RRBP1: variants seen among roughly 807,000 people sequenced by gnomAD.
RRBP1 encodes the protein ribosome-binding protein 1.
A neutral mutation model predicts 165.2 loss-of-function variants in RRBP1; 94 were observed. The ratio of observed to expected loss-of-function variants is 0.57; its 90% CI spans 0.48 to 0.68. The LOEUF is 0.68. Among genes scored for constraint, RRBP1 ranks in the 30% least tolerant of loss-of-function variants. The probability of loss-of-function intolerance (pLI) is 0.00; values close to 1 mark genes in which losing one functional copy is unlikely to be tolerated. For missense variants in RRBP1, 1,676 were observed against 1,763.0 expected (o/e 0.95, Z 0.88); for synonymous variants, 680 against 714.5 (o/e 0.95, Z 0.77).
Position 17,625,605 on chromosome 20 carries a change from G to A in RRBP1, c.2964-3C>T. 1 of 1,613,464 alleles carries A rather than the reference G, an allele frequency of 6.2e-7. No homozygotes were observed. The highest frequency in any genetic ancestry group is 8.5e-7 in the Non-Finnish European group (1 of 1,179,542). On this transcript the variant is annotated splice_polypyrimidine_tract_variant and splice_region_variant and intron_variant, in intron 11 of 24. Transcript: ENST00000377813. ...CCTGGGACTCCAGCTCCTTGAGGCT[G>A]AAGGGACACAACGAGGTCACCGCCT...
chr20:17,617,712 G>A (rs572246613), intron 20 of RRBP1, among the ~76,000 whole-genome samples: 18 of 152,352 alleles, frequency 1.2e-4, no homozygotes, highest in African/African-American at 4.3e-4. Context: ...GTTCTGGTCC[G>A]GGTAAGACCT....
At chr20:17,676,198 G>A (rs1010005504) in intron 2 of RRBP1, among the ~76,000 whole-genome samples, 11 of 152,164 alleles carry the variant, frequency 7.2e-5, no homozygotes, top group African/African-American at 2.7e-4. Flanking sequence ...GATAGAACAA[G>A]ACCCTCTCAG....
At position 17,618,662 on chromosome 20, in the gene RRBP1, TAGG is replaced by T. The variant is rs747816174; in HGVS notation, c.3690_3692del (p.Leu1231del). 2.5e-6 allele frequency: 4 copies of T among 1,613,888 alleles called. No homozygotes were observed. The highest frequency in any genetic ancestry group is 1.3e-5 in the African/African-American group (1 of 75,032). On this transcript the variant is annotated inframe_deletion, in exon 20 of 25. Coordinates refer to ENST00000377813, the MANE Select transcript of RRBP1 (RefSeq NM_001365613.2). ...CGGCATCGAGCTGAGATTGAGATTC[TAGG>T]AGAAGTTGCCTCAGCTTGGGGAGAA...
chr20:17,674,429 T>G (rs952876201), intron 2 of RRBP1, among the ~76,000 whole-genome samples: 3 of 151,910 alleles, frequency 2.0e-5, no homozygotes, highest in Non-Finnish European at 4.4e-5. Flanking sequence ...CCTAGCACGA[T>G]GAGGACTGAC....
rs1415960205 is a variant in RRBP1, at chr20:17,620,815, G to A, written c.3415-8C>T. 2.3e-5 allele frequency: 37 copies of A among 1,596,822 alleles called. No individual in the cohort carries two copies. The highest frequency in any genetic ancestry group is 3.2e-5 in the Non-Finnish European group (37 of 1,172,354). ...GTCTCTGAGCATGCCCTCCTGGGGG[G>A]AAACCGAGGTGAGGCAGGGCCCTCT... is the stretch of plus-strand genomic sequence containing the variant. On this transcript the variant is annotated splice_region_variant and splice_polypyrimidine_tract_variant and intron_variant, in intron 16 of 24. Coordinates refer to ENST00000377813, the MANE Select transcript of RRBP1 (RefSeq NM_001365613.2).
In RRBP1 at chr20:17,619,805, T is replaced by A. The variant is rs2035873066; in HGVS notation, c.3580-77A>T. ...AGGGCACTCACCTCAGGGAGCAGGC[T>A]GGCCCTGGGATAGGTGAGGCCTCTC... On this transcript the variant is annotated intron_variant, in intron 18 of 24. Coordinates refer to ENST00000377813, the MANE Select transcript of RRBP1 (RefSeq NM_001365613.2). 4 of 1,116,830 alleles carry A rather than the reference T, an allele frequency of 3.6e-6. No individual in the cohort carries two copies. The South Asian group carries it at 4.6e-5, about 13-fold the overall frequency. 69.2% of individuals were successfully genotyped at this position (1,116,830 alleles called of 1,614,324 possible).
intron 17 of RRBP1, 43 bp from the exon 18 acceptor site, chr20:17,620,413 G>A: frequency 6.5e-7 from 1 of 1,534,954 alleles, no homozygotes; most frequent in Non-Finnish European, 9.0e-7. Context: ...GAGCACCTGG[G>A]GGTGTCTCCT....
In RRBP1 at chr20:17,615,913, G is replaced by C; in HGVS notation, c.3951+13C>G. 1 of 1,607,368 alleles carries C rather than the reference G, an allele frequency of 6.2e-7. No individual in the cohort carries two copies. The highest frequency in any genetic ancestry group is 1.1e-5 in the South Asian group (1 of 90,972). ...GGCTGATGGGGGCTGAGAGCCACCAGGCAGGGCCTGACCTCCTCAAACTCG... is the reference window on the plus strand; with the variant it reads ...GGCTGATGGGGGCTGAGAGCCACCACGCAGGGCCTGACCTCCTCAAACTCG... On this transcript the variant is annotated intron_variant, in intron 22 of 24. Transcript: ENST00000377813.
intron 2 of RRBP1, among the ~76,000 whole-genome samples, chr20:17,677,363 G>A (rs1421758118): frequency 6.6e-6 from 1 of 152,212 alleles, no homozygotes; most frequent in Admixed American, 6.5e-5. Context: ...ACTTCCAGTA[G>A]TCTTAGTGGG....
Position 17,629,190 on chromosome 20 carries a change from C to T in RRBP1, c.2749+633G>A, listed in dbSNP as rs530153505. Among the ~76,000 whole-genome samples the T allele has an allele frequency of 2.5e-3, 382 of 152,374 alleles. 1 individual carries two copies. Among genetic ancestry groups the T allele is most frequent in the Non-Finnish European group, 4.7e-3 (319 of 68,044 alleles). ...CTCTGTCGTGTAACCCCCAGTCCAG[C>T]CCAGCCCGGCACCCACGGCAGTGCT... On this transcript the variant is annotated intron_variant, in intron 9 of 24. Coordinates refer to ENST00000377813, the MANE Select transcript of RRBP1 (RefSeq NM_001365613.2).
At chr20:17,655,083 G>T (rs1219185741) in intron 3 of RRBP1, among the ~76,000 whole-genome samples, 2 of 152,222 alleles carry the variant, frequency 1.3e-5, no homozygotes, top group Non-Finnish European at 2.9e-5. Flanking sequence ...TGGAATTCCT[G>T]TCCCAGTAGC....
intron 13 of RRBP1, chr20:17,623,083 A>G (rs6034866): frequency 0.72 from 109,360 of 152,238 alleles, 46,721 homozygotes; most frequent in South Asian, 0.94. Flanking sequence ...GGCAAGCTGG[A>G]GACCCAGAGG....
At chr20:17,614,242 G>C (rs770055260) in intron 24 of RRBP1, 22 bp from the exon 25 acceptor site, 12 of 1,611,604 alleles carry the variant, frequency 7.4e-6, no homozygotes, top group Non-Finnish European at 4.2e-6. Context: ...GGCAGGTGGC[G>C]TGAGGGGGGC....
At chr20:17,628,833 C>T (rs2036087243) in intron 9 of RRBP1, among the ~76,000 whole-genome samples, 1 of 152,268 alleles carries the variant, frequency 6.6e-6, no homozygotes, top group Admixed American at 6.5e-5. Flanking sequence ...GCCTCCCAAC[C>T]TCCATTTTTC....
chr20:17,614,624 C>T (rs2035756206), intron 24 of RRBP1, 113 bp downstream of exon 24: 3 of 1,371,202 alleles, frequency 2.2e-6, no homozygotes. Context: ...GCTCCCAGCC[C>T]AGCGCTCCCA....
chr20:17,651,464 C>T (rs2036556212), intron 3 of RRBP1, among the ~76,000 whole-genome samples: 1 of 152,236 alleles, frequency 6.6e-6, no homozygotes, highest in Admixed American at 6.5e-5. Flanking sequence ...TAGCTGCACA[C>T]TACTTAAATG....
chr20:17,656,239 C>T (rs1487321695), intron 3 of RRBP1, among the ~76,000 whole-genome samples: 1 of 152,174 alleles, frequency 6.6e-6, no homozygotes, highest in Non-Finnish European at 1.5e-5. Flanking sequence ...AGAAAGAAAC[C>T]ACCTTGCGGG....
chr20:17,616,690 T>A, intron 21 of RRBP1, 42 bp downstream of exon 21: 1 of 1,379,334 alleles, frequency 7.2e-7, no homozygotes, highest in Non-Finnish European at 1.0e-6. Flanking sequence ...TGCACTCTTC[T>A]GGGATTAGTG....
At position 17,658,665 on chromosome 20, in the gene RRBP1, T is replaced by TCTGGGCC; in HGVS notation, c.1836_1842dup (p.Ser615GlyfsTer24). On this transcript the variant is annotated frameshift_variant, in exon 3 of 25. Transcript: ENST00000377813. LOFTEE classifies it high-confidence loss of function. ...GCCTCTTGCTTTGGTGCCTCTGGGC[T>TCTGGGCC]CTGGGCCACATCTGTATTTCTGCCC... The TCTGGGCC allele has an allele frequency of 6.2e-7, 1 of 1,614,238 alleles. No individual in the cohort carries two copies. Among genetic ancestry groups the TCTGGGCC allele is most frequent in the Non-Finnish European group, 8.5e-7 (1 of 1,180,044 alleles).
Sources: allele counts gnomAD v4.1 joint callset (sites outside exome capture counted in the v4.1 genomes callset), GRCh38; gene constraint gnomAD v4.1.1; transcripts MANE v1.5; gene names NCBI Gene and HGNC (gene_info 2026-07-23, HGNC 2026-07-21).